CAMKK2: variants seen among roughly 807,000 people sequenced by gnomAD.
CAMKK2 encodes the protein calcium/calmodulin-dependent protein kinase kinase 2.
CAMKK2 carries 30 observed loss-of-function variants against 67.2 expected under a neutral mutation model. That is an observed-to-expected ratio of 0.45 (90% CI 0.33 to 0.61). The LOEUF (loss-of-function observed/expected upper bound fraction) is 0.61, where lower values mean the gene tolerates loss of function less well. Among genes scored for constraint, CAMKK2 ranks in the 20% least tolerant of loss-of-function variants. The pLI is 0.02. For missense variants in CAMKK2, 643 were observed against 802.0 expected (o/e 0.80, Z 2.39); for synonymous variants, 322 against 326.2 (o/e 0.99, Z 0.14).
At chr12:121,242,823 A>C (rs533095093) in intron 16 of CAMKK2, among the ~76,000 whole-genome samples, 175 of 152,184 alleles carry the variant, frequency 1.1e-3, no homozygotes, top group African/African-American at 3.8e-3. Context: ...GCTCACTGCA[A>C]GCTCCGCCTC....
At chr12:121,276,482 A>T (rs2136468979) in intron 1 of CAMKK2, among the ~76,000 whole-genome samples, 1 of 152,290 alleles carries the variant, frequency 6.6e-6, no homozygotes, top group East Asian at 1.9e-4. Context: ...AAAAATAAAA[A>T]TAAAAAAGAT....
At chr12:121,246,822 C>T (rs1336685600) in intron 14 of CAMKK2, among the ~76,000 whole-genome samples, 1 of 144,236 alleles carries the variant, frequency 6.9e-6, no homozygotes, top group African/African-American at 2.6e-5. Flanking sequence ...GCCCCTCCCC[C>T]AGCCCCCCAG....
chr12:121,249,689 G>C, intron 13 of CAMKK2, 98 bp downstream of exon 13: 1 of 977,886 alleles, frequency 1.0e-6, no homozygotes, highest in Admixed American at 1.7e-5. Context: ...CGGTGCCAAG[G>C]AGGGTGTGGT....
chr12:121,240,707 G>A lies in CAMKK2; in HGVS notation c.1759C>T (p.Pro587Ser). The A allele has an allele frequency of 6.2e-7, 1 of 1,601,802 alleles. No individual in the cohort carries two copies. ...TCGAGCGATCCAGGCAGCTACTCGGGCTCCATGGCCTCCTCCGGCCGCAGT... is the reference window on the plus strand; with the variant it reads ...TCGAGCGATCCAGGCAGCTACTCGGACTCCATGGCCTCCTCCGGCCGCAGT... ...HPLRPEEAMEPE is the reference protein window; with the variant it reads ...HPLRPEEAMESE The change falls in exon 17 of 17, where the codon CCC (proline) becomes TCC (serine). Residue 587 changes from proline (P) to serine (S), a missense_variant. Around this residue, in one of 3 missense-constraint regions of CAMKK2, gnomAD observed 140 missense variants for 124.2 expected, o/e 1.13. Transcript: ENST00000404169. This position sits in a 1 kb window ranked among gnomAD's most constrained non-coding sequence, Gnocchi z 4.4.
intron 13 of CAMKK2, 128 bp downstream of exon 13, chr12:121,249,659 C>A (rs1890241338): frequency 2.5e-6 from 2 of 813,066 alleles, no homozygotes; most frequent in South Asian, 2.9e-5. Flanking sequence ...GCTCAGAGGC[C>A]CTGGGGCATA....
chr12:121,275,553 T>TAAAATATTATGCTAACTG (rs1473627331), intron 1 of CAMKK2, among the ~76,000 whole-genome samples: 2 of 149,944 alleles, frequency 1.3e-5, no homozygotes, highest in Non-Finnish European at 1.5e-5. Context: ...GATGAACCTC[T>TAAAATATTATGCTAACTG]AAAATATTAT....
chr12:121,284,773 G>A (rs774632263), intron 1 of CAMKK2, among the ~76,000 whole-genome samples: 25 of 152,172 alleles, frequency 1.6e-4, no homozygotes, highest in South Asian at 6.2e-4. Context: ...CTGGGACCTC[G>A]ACCTGTGTTT....
intron 13 of CAMKK2, 54 bp downstream of exon 13, chr12:121,249,733 G>A: frequency 7.0e-7 from 1 of 1,429,166 alleles, no homozygotes; most frequent in South Asian, 1.1e-5. Context: ...TCTGGCTGAG[G>A]CATGGCTGAG....
chr12:121,277,897 G>A (rs959505469), intron 1 of CAMKK2, among the ~76,000 whole-genome samples: 13 of 152,186 alleles, frequency 8.5e-5, no homozygotes, highest in African/African-American at 3.1e-4. Flanking sequence ...AACCCGGGAG[G>A]CACAGGTTGC....
intron 1 of CAMKK2, among the ~76,000 whole-genome samples, chr12:121,278,630 TC>T (rs1897212975): frequency 6.6e-6 from 1 of 152,222 alleles, no homozygotes; most frequent in Admixed American, 6.5e-5. Context: ...CGCTTTTGCA[TC>T]TTCCTCATTC....
chr12:121,270,573 C>T (rs1895561295), intron 3 of CAMKK2, among the ~76,000 whole-genome samples: 1 of 151,988 alleles, frequency 6.6e-6, no homozygotes. Flanking sequence ...TGATGATACC[C>T]CCCATTAGCT....
In CAMKK2 at chr12:121,255,304, T is replaced by TTTATATATATAATTA. The variant is rs1891873412; in HGVS notation, c.907+245_907+246insTAATTATATATATAA. 2.5e-3 allele frequency among the ~76,000 whole-genome samples: 15 copies of TTTATATATATAATTA among 6,004 alleles called. 2 individuals are homozygous for TTTATATATATAATTA. Among genetic ancestry groups the TTTATATATATAATTA allele is most frequent in the East Asian group, 0.019 (2 of 104 alleles). The allele number at this position is 6,004 out of a possible 152,430, so 3.9% of individuals were successfully genotyped here. ...TATATATATAATTATATATATAATT[T>TTTATATATATAATTA]TATATATAATTTTATATATATATAA... On this transcript the variant is annotated intron_variant, in intron 9 of 16. Coordinates refer to ENST00000404169, the MANE Select transcript of CAMKK2 (RefSeq NM_001270485.2).
intron 1 of CAMKK2, among the ~76,000 whole-genome samples, chr12:121,290,758 T>C (rs529180006): frequency 9.9e-5 from 15 of 152,258 alleles, no homozygotes; most frequent in African/African-American, 3.4e-4. Flanking sequence ...TCCCTGAAAA[T>C]TGTAATGAAA....
At chr12:121,261,988 T>C (rs1050356120) in intron 6 of CAMKK2, among the ~76,000 whole-genome samples, 2 of 152,236 alleles carry the variant, frequency 1.3e-5, no homozygotes, top group African/African-American at 4.8e-5. Flanking sequence ...TCATGGAGTT[T>C]ACAAGGTTCA....
rs1325611722 is a variant in CAMKK2 at position 121,274,405 on chromosome 12, G to A, written c.122C>T (p.Ser41Leu). The A allele has an allele frequency of 6.2e-7, 1 of 1,613,358 alleles. No individual in the cohort carries two copies. Among genetic ancestry groups the A allele is most frequent in the Admixed American group, 1.7e-5 (1 of 60,018 alleles). Reference sequence around the variant, plus strand: ...CATGCCCAGGTGGATGCTCAAGGATGAGAGGCCCCGCAGGGCCTCACAGGG... The same window carrying A: ...CATGCCCAGGTGGATGCTCAAGGATAAGAGGCCCCGCAGGGCCTCACAGGG... The part of the protein sequence containing the change: ...QKPCEALRGL[S>L]SLSIHLGMES... Residue 41 changes from serine to leucine, a missense_variant, in exon 2 of 17, where the codon TCA (serine) becomes TTA (leucine). This residue lies in a region of CAMKK2 where 483 missense variants were observed against 625.8 expected (regional missense o/e 0.77). Transcript: ENST00000404169.
chr12:121,268,732 T>C, intron 4 of CAMKK2, 43 bp from the exon 5 acceptor site: 1 of 1,595,584 alleles, frequency 6.3e-7, no homozygotes, highest in Non-Finnish European at 8.6e-7. Context: ...AGGTCCTGTT[T>C]AAAGCAGGGA....
At chr12:121,256,978 A>G (rs1566064872) in intron 7 of CAMKK2, among the ~76,000 whole-genome samples, 1 of 151,748 alleles carries the variant, frequency 6.6e-6, no homozygotes, top group Non-Finnish European at 1.5e-5. Context: ...TGATTCTGCT[A>G]TGACAAGCAT....
At position 121,245,193 on chromosome 12, in the gene CAMKK2, G is replaced by A. The variant is rs114204054; in HGVS notation, c.1500C>T (p.Phe500=). The change falls in exon 15 of 17, where the codon TTC becomes TTT. Residue 500 remains phenylalanine, a synonymous_variant. Transcript: ENST00000404169. This position sits in a 1 kb window ranked among gnomAD's most constrained non-coding sequence, Gnocchi z 5.8. ...MIRKRSFGNP[F]EGSRREERSL... ...AGCGTTCCTCCCGCCGGCTGCCCTC[G>A]AATGGGTTCCCAAAGGAGCGTTTAC... is the stretch of plus-strand genomic sequence containing the variant. 5.8e-5 allele frequency: 93 copies of A among 1,609,426 alleles called. No homozygotes were observed. Among genetic ancestry groups the A allele is most frequent in the East Asian group, 1.1e-4 (5 of 44,786 alleles).
At position 121,286,564 on chromosome 12, in the gene CAMKK2, G is replaced by A. The variant is rs528554713; in HGVS notation, c.-60+10074C>T. 4.3e-4 allele frequency among the ~76,000 whole-genome samples: 65 copies of A among 152,300 alleles called. 1 individual carries two copies. The highest frequency in any genetic ancestry group is 1.2e-3 in the African/African-American group (51 of 41,568). Reference sequence around the variant, plus strand: ...GTTTGGTTTGATTTGGTTTGGTTGAGGCAGGGTCTCACTCTGTCACCCAGG... The same window carrying A: ...GTTTGGTTTGATTTGGTTTGGTTGAAGCAGGGTCTCACTCTGTCACCCAGG... On this transcript the variant is annotated intron_variant, in intron 1 of 16. Coordinates refer to ENST00000404169, the MANE Select transcript of CAMKK2 (RefSeq NM_001270485.2).
Sources: allele counts gnomAD v4.1 joint callset (sites outside exome capture counted in the v4.1 genomes callset), GRCh38; gene constraint gnomAD v4.1.1; regional missense constraint gnomAD v4.1.1; non-coding constraint Gnocchi (gnomAD v3.1); transcripts MANE v1.5; gene names NCBI Gene and HGNC (gene_info 2026-07-23, HGNC 2026-07-21).